The following CCNK variants were observed in gnomAD, a reference collection of about 807,000 sequenced individuals.
CCNK encodes cyclin-K.
Under a neutral mutation model 65.0 loss-of-function variants are expected in CCNK, and 9 were observed. The observed-to-expected ratio is 0.14, with a 90% CI of 0.08 to 0.24. The LOEUF is 0.24. Among genes scored for constraint, CCNK ranks in the 10% least tolerant of loss-of-function variants. The pLI is 1.00. For synonymous variants in CCNK, 279 were observed against 270.8 expected, an observed-to-expected ratio of 1.03 and a Z score of -0.30; for missense variants, 474 against 720.0, an observed-to-expected ratio of 0.66 and a Z score of 3.91.
At chr14:99,495,984 T>C (rs931795197) in intron 4 of CCNK, among the ~76,000 whole-genome samples, 9 of 152,218 alleles carry the variant, frequency 5.9e-5, no homozygotes, top group African/African-American at 1.9e-4. Flanking sequence ...AACAAAAGTA[T>C]GTATGCTGTA....
chr14:99,493,298 G>A (rs1010141479), intron 2 of CCNK, among the ~76,000 whole-genome samples: 1 of 152,106 alleles, frequency 6.6e-6, no homozygotes. Flanking sequence ...CATAGTTGAA[G>A]TGTTTCTAAA....
At chr14:99,493,275 A>G (rs1424878600) in intron 2 of CCNK, among the ~76,000 whole-genome samples, 1 of 150,018 alleles carries the variant, frequency 6.7e-6, no homozygotes, top group African/African-American at 2.4e-5. Context: ...TGCTGTCTCA[A>G]AAAAAAAAAG....
chr14:99,510,184 T>C lies in CCNK; in HGVS notation c.1145T>C (p.Leu382Ser), dbSNP rs1307853777. 1 of 1,599,254 alleles carries C rather than the reference T, an allele frequency of 6.3e-7. No homozygotes were observed. The highest frequency in any genetic ancestry group is 1.7e-5 in the Admixed American group (1 of 58,986). ...PDRKPPLAAA[L>S]GEAEPPGPVD... ...CGGAAGCCTCCCCTCGCTGCTGCCT[T>C]AGGTGAGGCTGAGCCGCCGGGCCCT... Residue 382 changes from leucine (L) to serine (S), a missense_variant, in exon 11 of 11, where the codon TTA (leucine) becomes TCA (serine). Leu to Ser is a moderately radical substitution (Grantham distance 145). Transcript: ENST00000389879.
intron 7 of CCNK, 135 bp downstream of exon 7, chr14:99,502,511 A>AT: frequency 7.3e-7 from 1 of 1,377,924 alleles, no homozygotes; most frequent in South Asian, 1.5e-5. Context: ...CATTAATTAA[A>AT]TTATCTAATA....
intron 4 of CCNK, among the ~76,000 whole-genome samples, chr14:99,499,757 C>T (rs1364388968): frequency 1.3e-5 from 2 of 152,118 alleles, no homozygotes; most frequent in Non-Finnish European, 2.9e-5. Flanking sequence ...CAAGGTTAAA[C>T]CTTGTGGAAA....
At position 99,492,727 on chromosome 14, in the gene CCNK, T is replaced by C. The variant is rs781186631; in HGVS notation, c.50T>C (p.Leu17Pro). 1 of 1,612,104 alleles carries C rather than the reference T, an allele frequency of 6.2e-7. No homozygotes were observed. Among genetic ancestry groups the C allele is most frequent in the East Asian group, 2.2e-5 (1 of 44,854 alleles). ...NSSPSVTSAN[L>P]DHTKPCWYWD... ...AGCCCTTCAGTAACTTCAGCAAACC[T>C]GGACCACACAAAGCCATGTTGGTAC... is the stretch of plus-strand genomic sequence containing the variant. The change falls in exon 2 of 11, where the codon CTG (leucine) becomes CCG (proline). Residue 17 changes from leucine to proline, a missense_variant. Leu to Pro is a moderately conservative substitution (Grantham distance 98). Around this residue, in one of 6 missense-constraint regions of CCNK, gnomAD observed 87 missense variants for 166.2 expected, o/e 0.52. Transcript: ENST00000389879.
At chr14:99,494,655 C>T (rs192070624) in intron 3 of CCNK, 1 of 152,348 alleles carries the variant, frequency 6.6e-6, no homozygotes, top group East Asian at 1.9e-4. Flanking sequence ...GCAGTTCAGA[C>T]CCCAGTGATA....
chr14:99,503,795 T>C (rs1896903054), intron 9 of CCNK, 151 bp downstream of exon 9: 1 of 639,896 alleles, frequency 1.6e-6, no homozygotes, highest in African/African-American at 1.8e-5. Context: ...ATTGTCTTTC[T>C]GTTCATCACC....
At chr14:99,507,409 TA>T in intron 10 of CCNK, 1 of 458,010 alleles carries the variant, frequency 2.2e-6, no homozygotes, top group East Asian at 4.2e-5. Context: ...AGACCCTGTC[TA>T]AAAAATTAGC....
chr14:99,507,185 A>G (rs1361478784), intron 10 of CCNK, 38 bp downstream of exon 10: 12 of 1,239,496 alleles, frequency 9.7e-6, no homozygotes, highest in Non-Finnish European at 1.3e-5. Flanking sequence ...AGCTGTGCAC[A>G]TCGCCTCTGA....
rs1398262898 is a variant in CCNK at position 99,512,142 on chromosome 14, T to TATCA, written c.*1362_*1365dup. 1.3e-5 allele frequency: 2 copies of TATCA among 152,200 alleles called. No homozygotes were observed. The highest frequency in any genetic ancestry group is 2.4e-5 in the African/African-American group (1 of 41,454). The allele number at this position is 152,200 out of a possible 1,614,324, so 9.4% of individuals were successfully genotyped here. A position where few individuals can be genotyped will look rare whatever the true frequency, so the allele number is the denominator to read the frequency against. ...GTTCAAATCAATGTTTTTACCACAC[T>TATCA]ATCAAAAAGTTCTATTTCTTCTTGT... On this transcript the variant is annotated 3_prime_UTR_variant, in exon 11 of 11. Transcript: ENST00000389879.
intron 1 of CCNK, chr14:99,492,274 C>G: frequency 6.3e-6 from 1 of 159,784 alleles, no homozygotes; most frequent in Non-Finnish European, 1.4e-5. Flanking sequence ...GGAATCTGGA[C>G]CAGCGTTAGA....
In CCNK at chr14:99,511,794, C is replaced by G. The variant is rs946505407; in HGVS notation, c.*1012C>G. The G allele has an allele frequency of 1.3e-5, 2 of 152,582 alleles. No individual in the cohort carries two copies. Among genetic ancestry groups the G allele is most frequent in the Non-Finnish European group, 2.9e-5 (2 of 68,056 alleles). 9.5% of individuals were successfully genotyped at this position (152,582 alleles called of 1,614,324 possible). A position where few individuals can be genotyped will look rare whatever the true frequency, so the allele number is the denominator to read the frequency against. ...AGTTTGAAACTTTGAAGCCTTGCTG[C>G]GTAGAACGCACACAGGAACCCGGGG... On this transcript the variant is annotated 3_prime_UTR_variant, in exon 11 of 11. Transcript: ENST00000389879.
intron 1 of CCNK, among the ~76,000 whole-genome samples, chr14:99,481,788 G>C (rs1297295916): frequency 6.6e-6 from 1 of 152,192 alleles, no homozygotes. Flanking sequence ...AAGGGGCAGC[G>C]GTGTTAACCG....
At chr14:99,503,184 G>T in intron 8 of CCNK, 200 bp downstream of exon 8, 1 of 719,776 alleles carries the variant, frequency 1.4e-6, no homozygotes, top group South Asian at 1.5e-5. Flanking sequence ...AGAACCAGGA[G>T]GGGGCTCTCT....
intron 9 of CCNK, chr14:99,503,925 G>C: frequency 2.3e-6 from 1 of 442,486 alleles, no homozygotes; most frequent in South Asian, 2.5e-5. Flanking sequence ...GAGAACTGTT[G>C]CTGCAATTTT....
At position 99,501,417 on chromosome 14, in the gene CCNK, T is replaced by C. The variant is rs1159106262; in HGVS notation, c.575+4T>C. 6.3e-7 allele frequency: 1 copy of C among 1,579,998 alleles called. No homozygotes were observed. Among genetic ancestry groups the C allele is most frequent in the Non-Finnish European group, 8.7e-7 (1 of 1,151,144 alleles). ...CATGGACATTTGTAAATGACAGGTA[T>C]ACATGTTCAAATGTTGATTAATTAC... On this transcript the variant is annotated splice_donor_region_variant and intron_variant, in intron 6 of 10. Transcript: ENST00000389879.
At chr14:99,501,293 T>TA in intron 5 of CCNK, 63 bp from the exon 6 acceptor site, 1 of 1,065,944 alleles carries the variant, frequency 9.4e-7, no homozygotes, top group Non-Finnish European at 1.5e-6. Flanking sequence ...TTTTAATAAA[T>TA]ACTTGATGCT....
At chr14:99,498,094 T>A (rs1343850669) in intron 4 of CCNK, among the ~76,000 whole-genome samples, 5 of 152,168 alleles carry the variant, frequency 3.3e-5, no homozygotes, top group African/African-American at 9.7e-5. Flanking sequence ...TGCTTAAGGA[T>A]AAGGCATCAC....
Sources: gnomAD v4.1 joint callset for allele counts (sites outside exome capture counted in the v4.1 genomes callset) on GRCh38, gnomAD v4.1.1 for gene constraint, gnomAD v4.1.1 regional missense constraint, MANE v1.5 for transcripts, NCBI Gene and HGNC (gene_info 2026-07-23, HGNC 2026-07-21) for gene names.